Variants in COL5A1 observed in about 807,000 individuals in gnomAD.
COL5A1 encodes collagen type V alpha 1 chain.
COL5A1 carries 16 observed loss-of-function variants against 263.7 expected under a neutral mutation model. The observed-to-expected ratio is 0.06, with a 90% CI of 0.04 to 0.09. COL5A1 has a LOEUF of 0.09. Among genes scored for constraint, COL5A1 ranks in the 10% least tolerant of loss-of-function variants. The pLI, the probability that COL5A1 is intolerant of heterozygous loss-of-function variation, is 1.00. For missense variants in COL5A1, 2,036 were observed against 2,540.5 expected (o/e 0.80, Z 4.27); for synonymous variants, 1,012 against 1,004.5 (o/e 1.01, Z -0.14).
Position 134,677,824 on chromosome 9 carries a change from G to A in COL5A1, c.110-13088G>A, listed in dbSNP as rs949765961. On this transcript the variant is annotated intron_variant, in intron 1 of 65. Coordinates refer to ENST00000371817, the MANE Select transcript of COL5A1 (RefSeq NM_000093.5). The surrounding 1 kb of genome is among the most constrained non-coding windows in gnomAD (Gnocchi z 4.4). ...GAGACAGTGGATGCGGGAGGACTGT[G>A]AATAGGCTGCTTTCTCCACAGCTGC... Among the ~76,000 whole-genome samples the A allele has an allele frequency of 2.0e-5, 3 of 152,230 alleles. No homozygotes were observed. Among genetic ancestry groups the A allele is most frequent in the African/African-American group, 7.2e-5 (3 of 41,462 alleles).
intron 18 of COL5A1, among the ~76,000 whole-genome samples, chr9:134,760,618 C>CAT (rs1836356552): frequency 7.5e-6 from 1 of 133,484 alleles, no homozygotes; most frequent in Non-Finnish European, 1.6e-5. Flanking sequence ...TGCACACACA[C>CAT]ACACCCACAC....
chr9:134,801,872 C>A (rs1838127944), intron 37 of COL5A1, 82 bp from the exon 38 acceptor site: 2 of 1,264,120 alleles, frequency 1.6e-6, no homozygotes, highest in Non-Finnish European at 2.3e-6. Context: ...AGGTGGGGGG[C>A]AAGCGTCCTG....
intron 4 of COL5A1, among the ~76,000 whole-genome samples, chr9:134,721,936 A>C (rs1288734735): frequency 2.0e-5 from 3 of 152,196 alleles, no homozygotes; most frequent in African/African-American, 7.2e-5. Flanking sequence ...TGGGCTGGAA[A>C]GAGCCCTGGG....
Position 134,652,885 on chromosome 9 carries a change from C to T in COL5A1, c.109+10589C>T. 2.9e-6 allele frequency: 1 copy of T among 347,868 alleles called. No homozygotes were observed. The allele number at this position is 347,868 out of a possible 1,614,324, so 21.5% of individuals were successfully genotyped here. ...TCTGACTCAGGAGGCCTTGGGTGGGCCCAGGAAACTGCATTTCTAACGAAG... is the reference window on the plus strand; with the variant it reads ...TCTGACTCAGGAGGCCTTGGGTGGGTCCAGGAAACTGCATTTCTAACGAAG... On this transcript the variant is annotated intron_variant, in intron 1 of 65. Coordinates refer to ENST00000371817, the MANE Select transcript of COL5A1 (RefSeq NM_000093.5). This position sits in a 1 kb window ranked among gnomAD's most constrained non-coding sequence, Gnocchi z 4.4.
At chr9:134,797,179 A>G (rs1028389983) in intron 36 of COL5A1, among the ~76,000 whole-genome samples, 1 of 147,664 alleles carries the variant, frequency 6.8e-6, no homozygotes, top group African/African-American at 2.6e-5. Flanking sequence ...CTTGAGACTG[A>G]AGTGATTTTC....
chr9:134,775,465 A>G (rs538958035), intron 27 of COL5A1, among the ~76,000 whole-genome samples: 33 of 152,370 alleles, frequency 2.2e-4, no homozygotes, highest in African/African-American at 6.5e-4. Flanking sequence ...TGTTTCTGCC[A>G]TGACGGGCTC....
chr9:134,744,293 A>G (rs552195546), intron 11 of COL5A1, among the ~76,000 whole-genome samples: 1 of 152,010 alleles, frequency 6.6e-6, no homozygotes, highest in East Asian at 1.9e-4. Context: ...TTGCACACTC[A>G]CCCACACATG....
intron 1 of COL5A1, among the ~76,000 whole-genome samples, chr9:134,644,753 G>A (rs953942652): frequency 6.6e-6 from 1 of 152,186 alleles, no homozygotes; most frequent in African/African-American, 2.4e-5. Flanking sequence ...ACAGTGTAAC[G>A]GGGAAGGAGA....
intron 2 of COL5A1, among the ~76,000 whole-genome samples, chr9:134,695,610 T>C (rs1216615703): frequency 6.6e-6 from 1 of 152,088 alleles, no homozygotes; most frequent in Admixed American, 6.5e-5. Context: ...TGTACCCCCA[T>C]AGAGCAGGAT....
intron 1 of COL5A1, among the ~76,000 whole-genome samples, chr9:134,659,859 G>A (rs946481319): frequency 1.3e-5 from 2 of 152,204 alleles, no homozygotes; most frequent in African/African-American, 2.4e-5. Flanking sequence ...AGCTGCCCTG[G>A]TCTGAGTCAG....
intron 9 of COL5A1, among the ~76,000 whole-genome samples, chr9:134,734,871 T>C (rs1835041776): frequency 6.6e-6 from 1 of 152,240 alleles, no homozygotes; most frequent in African/African-American, 2.4e-5. Flanking sequence ...ATTGAGATTG[T>C]CTTGAGTTCT....
In COL5A1 at chr9:134,706,343, CT is replaced by C. The variant is rs748284400; in HGVS notation, c.654+5011del. On this transcript the variant is annotated intron_variant, in intron 4 of 65. Coordinates refer to ENST00000371817, the MANE Select transcript of COL5A1 (RefSeq NM_000093.5). ...GGAAGGGGAAGGCAGAGGGGCTGGG[CT>C]CCCCCCAGTGCAGGAAGGTCTTTTT... is the stretch of plus-strand genomic sequence containing the variant. Among the ~76,000 whole-genome samples, 7 of 151,924 alleles carry C rather than the reference CT, an allele frequency of 4.6e-5. No individual in the cohort carries two copies. The South Asian group carries it at 6.2e-4, about 14-fold the overall frequency.
rs374905645 is a variant in COL5A1 at position 134,666,023 on chromosome 9, G to T, written c.109+23727G>T. On this transcript the variant is annotated intron_variant, in intron 1 of 65. Coordinates refer to ENST00000371817, the MANE Select transcript of COL5A1 (RefSeq NM_000093.5). ...AATCGCTTGAACCCGGGAGGCGGAG[G>T]TTGCAGTGAGCCGAGATCGCGCCAC... is the stretch of plus-strand genomic sequence containing the variant. 6.6e-5 allele frequency among the ~76,000 whole-genome samples: 10 copies of T among 152,208 alleles called. No homozygotes were observed. The South Asian group carries it at 1.9e-3, about 28-fold the overall frequency.
intron 10 of COL5A1, 22 bp downstream of exon 10, chr9:134,738,537 G>A (rs2132655374): frequency 6.2e-7 from 1 of 1,614,038 alleles, no homozygotes. Context: ...GCTTTATCCT[G>A]TGACTTGCAG....
chr9:134,747,927 A>G (rs1413277093), intron 11 of COL5A1, among the ~76,000 whole-genome samples: 2 of 146,630 alleles, frequency 1.4e-5, no homozygotes, highest in Admixed American at 1.4e-4. Flanking sequence ...ACATGCATTC[A>G]TACACACATG....
intron 1 of COL5A1, among the ~76,000 whole-genome samples, chr9:134,673,165 G>T (rs937884077): frequency 6.6e-6 from 1 of 152,146 alleles, no homozygotes; most frequent in Non-Finnish European, 1.5e-5. Context: ...TTGATAAGAT[G>T]ATTCTGAAAT....
At chr9:134,825,682 TG>T (rs1839236458) in intron 62 of COL5A1, 109 bp from the exon 63 acceptor site, 1 of 712,520 alleles carries the variant, frequency 1.4e-6, no homozygotes, top group Non-Finnish European at 2.6e-6. Context: ...GCGGCATTCC[TG>T]GGGCGTGCAT....
intron 44 of COL5A1, 68 bp from the exon 45 acceptor site, chr9:134,811,271 G>A (rs1838511579): frequency 3.4e-6 from 5 of 1,465,890 alleles, no homozygotes; most frequent in Non-Finnish European, 4.8e-6. Flanking sequence ...TCAGGATGCG[G>A]TCCACCCCTC....
At chr9:134,790,481 TCCACCCATCCAC>T (rs1837641751) in intron 32 of COL5A1, among the ~76,000 whole-genome samples, 1 of 69,854 alleles carries the variant, frequency 1.4e-5, no homozygotes, top group Non-Finnish European at 2.6e-5. Context: ...CACCCACCCA[TCCACCCATCCAC>T]CCACCCACCC....
Sources: gnomAD v4.1 joint callset for allele counts (sites outside exome capture counted in the v4.1 genomes callset) on GRCh38, gnomAD v4.1.1 for gene constraint, Gnocchi (gnomAD v3.1) non-coding constraint, MANE v1.5 for transcripts, NCBI Gene and HGNC (gene_info 2026-07-23, HGNC 2026-07-21) for gene names.